ZCCHC7: variants seen among roughly 807,000 people sequenced by gnomAD.
ZCCHC7 encodes zinc finger CCHC-type containing 7.
In ZCCHC7, 35 loss-of-function variants were observed where a neutral mutation model predicts 52.0. The observed-to-expected ratio is 0.67, with a 90% CI of 0.51 to 0.89. ZCCHC7 has a LOEUF of 0.89. Ranked by LOEUF, ZCCHC7 falls within the 40% of genes least tolerant of loss-of-function variation. The pLI, the probability that ZCCHC7 is intolerant of heterozygous loss-of-function variation, is 0.00. For missense variants in ZCCHC7, 574 were observed against 649.1 expected, an observed-to-expected ratio of 0.88 and a Z score of 1.26; for synonymous variants, 217 against 221.5, an observed-to-expected ratio of 0.98 and a Z score of 0.18.
At chr9:37,352,511 CTTT>C (rs869266535) in intron 7 of ZCCHC7, among the ~76,000 whole-genome samples, 2,606 of 81,438 alleles carry the variant, frequency 0.032, 82 homozygotes, top group African/African-American at 0.14. Flanking sequence ...ACAATTTGCT[CTTT>C]TTTTTTTTTT....
At chr9:37,271,264 C>T (rs1221729126) in intron 2 of ZCCHC7, among the ~76,000 whole-genome samples, 2 of 152,150 alleles carry the variant, frequency 1.3e-5, no homozygotes, top group Non-Finnish European at 1.5e-5. Flanking sequence ...TAAAGACTAT[C>T]TCATGAAAAT....
intron 2 of ZCCHC7, among the ~76,000 whole-genome samples, chr9:37,224,625 A>T (rs1825000600): frequency 6.6e-6 from 1 of 152,230 alleles, no homozygotes; most frequent in African/African-American, 2.4e-5. Context: ...GGTACAGGGA[A>T]GGCAGACATA....
intron 1 of ZCCHC7, among the ~76,000 whole-genome samples, chr9:37,122,042 A>G (rs1842338459): frequency 6.6e-6 from 1 of 152,200 alleles, no homozygotes; most frequent in Non-Finnish European, 1.5e-5. Context: ...TTCCAATGAA[A>G]ATTGGACTGA....
intron 6 of ZCCHC7, among the ~76,000 whole-genome samples, chr9:37,339,286 C>T (rs960861566): frequency 6.6e-6 from 1 of 152,134 alleles, no homozygotes; most frequent in African/African-American, 2.4e-5. Flanking sequence ...TTTGCCAGAA[C>T]AGTGTACAAA....
intron 2 of ZCCHC7, among the ~76,000 whole-genome samples, chr9:37,137,979 A>G (rs1843069128): frequency 6.6e-6 from 1 of 152,108 alleles, no homozygotes; most frequent in South Asian, 2.1e-4. Context: ...CTGCCTTATA[A>G]CTGAAAAATG....
chr9:37,186,669 T>A (rs1822674415), intron 2 of ZCCHC7: 1 of 577,048 alleles, frequency 1.7e-6, no homozygotes, highest in Non-Finnish European at 3.3e-6. Context: ...AAAATTATAC[T>A]CTTAGAATAT....
At chr9:37,133,235 A>G (rs565613924) in intron 2 of ZCCHC7, among the ~76,000 whole-genome samples, 3 of 152,364 alleles carry the variant, frequency 2.0e-5, no homozygotes, top group Non-Finnish European at 2.9e-5. Context: ...GAGTTGGACA[A>G]GTCATCTCTG....
intron 2 of ZCCHC7, among the ~76,000 whole-genome samples, chr9:37,195,535 C>T (rs964357992): frequency 1.3e-5 from 2 of 152,086 alleles, no homozygotes; most frequent in African/African-American, 2.4e-5. Flanking sequence ...GATGACTATC[C>T]TGGGGTGAAT....
intron 2 of ZCCHC7, among the ~76,000 whole-genome samples, chr9:37,271,105 G>C (rs1055120652): frequency 1.4e-4 from 22 of 152,264 alleles, no homozygotes; most frequent in Admixed American, 1.2e-3. Flanking sequence ...ATTATCGATG[G>C]CTGCTTATTT....
At chr9:37,178,331 C>T (rs1822157116) in intron 2 of ZCCHC7, among the ~76,000 whole-genome samples, 1 of 150,686 alleles carries the variant, frequency 6.6e-6, no homozygotes. Flanking sequence ...AAACACATCC[C>T]AGCGTCACAT....
chr9:37,132,745 T>G (rs550938177), intron 2 of ZCCHC7, among the ~76,000 whole-genome samples: 1 of 152,288 alleles, frequency 6.6e-6, no homozygotes, highest in South Asian at 2.1e-4. Context: ...TACTTTTAAG[T>G]CCGGGGTGTC....
At chr9:37,166,446 AT>A (rs973223824) in intron 2 of ZCCHC7, among the ~76,000 whole-genome samples, 1 of 151,032 alleles carries the variant, frequency 6.6e-6, no homozygotes, top group Non-Finnish European at 1.5e-5. Context: ...CACTTTTCTC[AT>A]TTTTTTTCCT....
chr9:37,273,368 T>C (rs1016272857), intron 2 of ZCCHC7, among the ~76,000 whole-genome samples: 2 of 152,140 alleles, frequency 1.3e-5, no homozygotes, highest in African/African-American at 4.8e-5. Context: ...CCAGGCATGG[T>C]GGCGGGTGCC....
chr9:37,175,645 C>T (rs142009040), intron 2 of ZCCHC7, among the ~76,000 whole-genome samples: 6 of 152,004 alleles, frequency 3.9e-5, no homozygotes, highest in African/African-American at 9.7e-5. Context: ...GGCTGAGGCA[C>T]GAGAATCGAT....
upstream of ZCCHC7, chr9:37,120,492 T>C (rs537033609): frequency 5.0e-6 from 2 of 398,794 alleles, no homozygotes; most frequent in African/African-American, 4.1e-5. Context: ...ACTAGAGCTG[T>C]GTTGTCCCCG....
At chr9:37,194,865 A>G (rs1038894668) in intron 2 of ZCCHC7, among the ~76,000 whole-genome samples, 1 of 151,794 alleles carries the variant, frequency 6.6e-6, no homozygotes, top group Non-Finnish European at 1.5e-5. Flanking sequence ...ATGTCTTTGT[A>G]TGTTGTTGAG....
intron 2 of ZCCHC7, among the ~76,000 whole-genome samples, chr9:37,229,332 A>G (rs1825284962): frequency 6.6e-6 from 1 of 152,108 alleles, no homozygotes; most frequent in Non-Finnish European, 1.5e-5. Context: ...GTATAGTCAT[A>G]TGTCACTTAC....
At chr9:37,298,541 G>A (rs1442660786) in intron 2 of ZCCHC7, among the ~76,000 whole-genome samples, 3 of 152,112 alleles carry the variant, frequency 2.0e-5, no homozygotes, top group East Asian at 1.9e-4. Flanking sequence ...AGTACATAAC[G>A]TATAATTCCA....
chr9:37,229,965 T>G (rs1358100476), intron 2 of ZCCHC7, among the ~76,000 whole-genome samples: 1 of 152,186 alleles, frequency 6.6e-6, no homozygotes, highest in Non-Finnish European at 1.5e-5. Context: ...TGTTAAAACC[T>G]CATACACAGA....
Sources: gnomAD v4.1 joint callset for allele counts (sites outside exome capture counted in the v4.1 genomes callset) on GRCh38, gnomAD v4.1.1 for gene constraint, MANE v1.5 for transcripts, NCBI Gene and HGNC (gene_info 2026-07-23, HGNC 2026-07-21) for gene names.